Variants in ZFHX3 observed in about 807,000 individuals in gnomAD.
ZFHX3 encodes the protein zinc finger homeobox 3.
In ZFHX3, 42 loss-of-function variants were observed where a neutral mutation model predicts 279.1. That is an observed-to-expected ratio of 0.15 (90% CI 0.12 to 0.19). ZFHX3 has a LOEUF of 0.19. Among genes scored for constraint, ZFHX3 ranks in the 10% least tolerant of loss-of-function variants. ZFHX3 has a pLI of 1.00. For synonymous variants in ZFHX3, 2,293 were observed against 1,957.8 expected, an observed-to-expected ratio of 1.17 and a Z score of -4.52; for missense variants, 4,981 against 4,754.0, an observed-to-expected ratio of 1.05 and a Z score of -1.40.
chr16:73,018,228 G>A (rs1250312592), intron 1 of ZFHX3, among the ~76,000 whole-genome samples: 1 of 151,970 alleles, frequency 6.6e-6, no homozygotes, highest in Non-Finnish European at 1.5e-5. Flanking sequence ...CTGGGCTCAA[G>A]CAATCCTCCT....
intron 4 of ZFHX3, among the ~76,000 whole-genome samples, chr16:72,834,523 T>C (rs2143748243): frequency 6.6e-6 from 1 of 152,322 alleles, no homozygotes; most frequent in Admixed American, 6.5e-5. Flanking sequence ...AAATGCAAAT[T>C]GATCTCTTAA....
At chr16:73,788,297 AG>A (rs1959721613) in intron 1 of ZFHX3, among the ~76,000 whole-genome samples, 1 of 152,174 alleles carries the variant, frequency 6.6e-6, no homozygotes, top group African/African-American at 2.4e-5. Context: ...TAAATGGCAA[AG>A]GAAGGTAGCA....
intron 3 of ZFHX3, among the ~76,000 whole-genome samples, chr16:73,382,867 A>T (rs2016839115): frequency 6.6e-6 from 1 of 152,144 alleles, no homozygotes; most frequent in African/African-American, 2.4e-5. Flanking sequence ...CCCCTGAGAA[A>T]TCCTGCCATA....
At chr16:73,084,685 T>A (rs1436459020) in intron 8 of ZFHX3, among the ~76,000 whole-genome samples, 2 of 151,994 alleles carry the variant, frequency 1.3e-5, no homozygotes, top group Non-Finnish European at 2.9e-5. Context: ...GCCCGGCTAA[T>A]TTTGTTTTGT....
At chr16:73,074,782 T>A (rs1965867231) in intron 8 of ZFHX3, among the ~76,000 whole-genome samples, 1 of 151,202 alleles carries the variant, frequency 6.6e-6, no homozygotes, top group Non-Finnish European at 1.5e-5. Context: ...TTCCTTCCTT[T>A]TTTCTTTTTC....
chr16:73,592,015 T>C (rs2052004723), intron 2 of ZFHX3, among the ~76,000 whole-genome samples: 1 of 152,200 alleles, frequency 6.6e-6, no homozygotes, highest in Non-Finnish European at 1.5e-5. Flanking sequence ...GGAGATCACC[T>C]GAGGTCGGGA....
chr16:73,643,636 T>C (rs371618940), intron 2 of ZFHX3, among the ~76,000 whole-genome samples: 2 of 152,356 alleles, frequency 1.3e-5, no homozygotes, highest in South Asian at 2.1e-4. Flanking sequence ...GTCATCCTAG[T>C]GTGTTCCTTC....
intron 2 of ZFHX3, among the ~76,000 whole-genome samples, chr16:73,545,138 G>A (rs1567515245): frequency 6.6e-6 from 1 of 151,150 alleles, no homozygotes; most frequent in Non-Finnish European, 1.5e-5. Context: ...GCTAAAGAGA[G>A]TCACTTCCCC....
Position 72,785,855 on chromosome 16 carries a change from A to G in ZFHX3, c.*1309T>C, listed in dbSNP as rs2035347027. 1 of 152,210 alleles carries G rather than the reference A, an allele frequency of 6.6e-6. No individual in the cohort carries two copies. Among genetic ancestry groups the G allele is most frequent in the South Asian group, 2.1e-4 (1 of 4,834 alleles). 9.4% of individuals were successfully genotyped at this position (152,210 alleles called of 1,614,324 possible). A position where few individuals can be genotyped will look rare whatever the true frequency, so the allele number is the denominator to read the frequency against. ...GCCAAAAGAAGGATAAATAAAAAAT[A>G]AATGCACAAAGCTAACAGACACAGG... On this transcript the variant is annotated 3_prime_UTR_variant, in exon 10 of 10. Coordinates refer to ENST00000268489, the MANE Select transcript of ZFHX3 (RefSeq NM_006885.4).
At chr16:73,397,590 G>A (rs1002814488) in intron 3 of ZFHX3, among the ~76,000 whole-genome samples, 7 of 152,178 alleles carry the variant, frequency 4.6e-5, no homozygotes, top group South Asian at 2.1e-4. Context: ...TGAGAAAAGC[G>A]AAGACAGAAT....
chr16:73,005,322 C>T (rs1454345428), intron 1 of ZFHX3, among the ~76,000 whole-genome samples: 1 of 152,022 alleles, frequency 6.6e-6, no homozygotes, highest in East Asian at 1.9e-4. Context: ...TGGTGAAACC[C>T]AGTCTCTACT....
intron 1 of ZFHX3, among the ~76,000 whole-genome samples, chr16:73,719,727 G>C (rs546601899): frequency 1.5e-4 from 23 of 150,950 alleles, no homozygotes; most frequent in Admixed American, 7.3e-4. Context: ...TCCGCCTCCG[G>C]GGTTCAAGCG....
intron 4 of ZFHX3, among the ~76,000 whole-genome samples, chr16:73,298,040 A>C (rs988339519): frequency 6.6e-6 from 1 of 151,386 alleles, no homozygotes; most frequent in Non-Finnish European, 1.5e-5. Context: ...AATAAATAAC[A>C]ATTAGCCAGG....
chr16:73,012,707 C>A (rs888659297), intron 1 of ZFHX3, among the ~76,000 whole-genome samples: 2 of 152,090 alleles, frequency 1.3e-5, no homozygotes, highest in South Asian at 4.2e-4. Context: ...TATTTTCCAT[C>A]CCAAATTTTG....
At chr16:73,304,533 C>T (rs1231875903) in intron 4 of ZFHX3, among the ~76,000 whole-genome samples, 1 of 152,226 alleles carries the variant, frequency 6.6e-6, no homozygotes, top group African/African-American at 2.4e-5. Context: ...TCCCATCCCC[C>T]ACTCTCTCCC....
intron 2 of ZFHX3, among the ~76,000 whole-genome samples, chr16:72,951,259 C>T (rs1960983994): frequency 2.0e-5 from 3 of 151,802 alleles, no homozygotes; most frequent in Admixed American, 1.3e-4. Context: ...TTAATATTTC[C>T]TTTTCTTTTT....
chr16:73,583,795 C>A (rs77998006), intron 2 of ZFHX3, among the ~76,000 whole-genome samples: 1 of 151,988 alleles, frequency 6.6e-6, no homozygotes, highest in East Asian at 1.9e-4. Flanking sequence ...CGGCAAAACC[C>A]AATAAACAGA....
intron 5 of ZFHX3, among the ~76,000 whole-genome samples, chr16:73,198,775 T>G (rs1202458838): frequency 1.3e-5 from 2 of 152,154 alleles, no homozygotes; most frequent in African/African-American, 4.8e-5. Flanking sequence ...AAGGGGACTT[T>G]CACTCAGATG....
intron 2 of ZFHX3, among the ~76,000 whole-genome samples, chr16:73,601,963 T>C (rs898133686): frequency 1.2e-4 from 19 of 152,272 alleles, no homozygotes; most frequent in African/African-American, 4.6e-4. Context: ...TGTGACTTTT[T>C]TGTTTCCAAT....
Sources: gnomAD v4.1 joint callset for allele counts (sites outside exome capture counted in the v4.1 genomes callset) on GRCh38, gnomAD v4.1.1 for gene constraint, MANE v1.5 for transcripts, NCBI Gene and HGNC (gene_info 2026-07-23, HGNC 2026-07-21) for gene names.